The following KLHL2 variants were observed in gnomAD, a reference collection of about 807,000 sequenced individuals.
KLHL2 encodes the protein kelch-like protein 2.
In KLHL2, 15 loss-of-function variants were observed where a neutral mutation model predicts 75.8. The observed-to-expected ratio is 0.20, with a 90% CI of 0.13 to 0.30. The LOEUF (loss-of-function observed/expected upper bound fraction) is 0.30. Ranked by LOEUF, KLHL2 falls within the 10% of genes least tolerant of loss-of-function variation. The pLI is 1.00. For missense variants in KLHL2, 381 were observed against 741.0 expected (o/e 0.51, Z 5.64); for synonymous variants, 214 against 251.9 (o/e 0.85, Z 1.42).
intron 5 of KLHL2, among the ~76,000 whole-genome samples, chr4:165,292,291 AT>A (rs1443589904): frequency 2.0e-5 from 3 of 152,100 alleles, no homozygotes; most frequent in Non-Finnish European, 4.4e-5. Context: ...AAATACAAAC[AT>A]TTTAGAGCTG....
At chr4:165,311,606 A>C (rs768151910) in intron 11 of KLHL2, 41 bp downstream of exon 11, 1 of 1,417,256 alleles carries the variant, frequency 7.1e-7, no homozygotes, top group Non-Finnish European at 9.9e-7. Context: ...TGGCATTTTG[A>C]TCCTTGAGAG....
At chr4:165,257,048 C>A (rs891989026) in intron 4 of KLHL2, among the ~76,000 whole-genome samples, 16 of 152,094 alleles carry the variant, frequency 1.1e-4, no homozygotes, top group African/African-American at 3.6e-4. Context: ...CATTTAAGTT[C>A]TTCTCAATTT....
At chr4:165,303,878 CTGTT>C (rs1023293270) in intron 8 of KLHL2, among the ~76,000 whole-genome samples, 31 of 144,406 alleles carry the variant, frequency 2.1e-4, no homozygotes, top group Middle Eastern at 4.5e-3. Context: ...AAAATGTTGT[CTGTT>C]TGTTTGTTTG....
intron 5 of KLHL2, among the ~76,000 whole-genome samples, chr4:165,274,608 C>CA (rs1319249650): frequency 0.036 from 3,814 of 106,746 alleles, 102 homozygotes; most frequent in African/African-American, 0.082. Flanking sequence ...GACTACGTCT[C>CA]AAAAAAAAAA....
At chr4:165,277,472 C>T (rs1043389104) in intron 5 of KLHL2, among the ~76,000 whole-genome samples, 15 of 152,102 alleles carry the variant, frequency 9.9e-5, no homozygotes, top group African/African-American at 4.8e-5. Flanking sequence ...AAGGTGTTTC[C>T]GTCTTCTACT....
chr4:165,312,284 T>C (rs1175494177), intron 11 of KLHL2, among the ~76,000 whole-genome samples: 1 of 152,178 alleles, frequency 6.6e-6, no homozygotes, highest in Non-Finnish European at 1.5e-5. Context: ...AACAGTTGCT[T>C]GGGGGAACAA....
At chr4:165,296,696 G>C (rs372456777) in intron 6 of KLHL2, among the ~76,000 whole-genome samples, 15 of 152,140 alleles carry the variant, frequency 9.9e-5, no homozygotes, top group Admixed American at 3.9e-4. Context: ...ATAGAAGCAG[G>C]GGGGAGAGAA....
chr4:165,275,695 G>A (rs1332907458), intron 5 of KLHL2, among the ~76,000 whole-genome samples: 2 of 152,150 alleles, frequency 1.3e-5, no homozygotes, highest in Non-Finnish European at 2.9e-5. Flanking sequence ...TCCTGCCTTG[G>A]CTTCCCAGAG....
chr4:165,281,246 T>A (rs1294448411), intron 5 of KLHL2, among the ~76,000 whole-genome samples: 1 of 151,806 alleles, frequency 6.6e-6, no homozygotes, highest in Non-Finnish European at 1.5e-5. Flanking sequence ...TTGAGACTTA[T>A]ATTGTTGATT....
At chr4:165,239,774 A>G (rs925281110) in intron 4 of KLHL2, among the ~76,000 whole-genome samples, 2 of 152,196 alleles carry the variant, frequency 1.3e-5, no homozygotes, top group Non-Finnish European at 1.5e-5. Context: ...GTCCACATAC[A>G]TTGATTCACT....
chr4:165,293,839 G>A (rs1197740597), intron 5 of KLHL2, among the ~76,000 whole-genome samples: 1 of 151,992 alleles, frequency 6.6e-6, no homozygotes, highest in Non-Finnish European at 1.5e-5. Context: ...TTAAAAAAAT[G>A]TTGGTCATAT....
intron 2 of KLHL2, among the ~76,000 whole-genome samples, chr4:165,224,399 T>C (rs2111010313): frequency 6.6e-6 from 1 of 152,298 alleles, no homozygotes; most frequent in Admixed American, 6.5e-5. Flanking sequence ...GGATGAATCA[T>C]ATGAAGCAAT....
At chr4:165,266,376 T>C (rs1399802674) in intron 5 of KLHL2, among the ~76,000 whole-genome samples, 2 of 152,254 alleles carry the variant, frequency 1.3e-5, no homozygotes, top group East Asian at 1.9e-4. Flanking sequence ...TTTGGTGTTT[T>C]AGTCATGATG....
chr4:165,296,155 G>T (rs1294107948), intron 6 of KLHL2, among the ~76,000 whole-genome samples: 1 of 152,238 alleles, frequency 6.6e-6, no homozygotes, highest in Non-Finnish European at 1.5e-5. Context: ...ACCTGGCATG[G>T]TTCTACTGGA....
chr4:165,243,002 AAAT>A (rs1175832337), intron 4 of KLHL2, among the ~76,000 whole-genome samples: 6 of 152,228 alleles, frequency 3.9e-5, no homozygotes, highest in African/African-American at 1.4e-4. Flanking sequence ...TAAGAAGGTT[AAAT>A]AATTTGCTCA....
At chr4:165,218,314 CCT>C (rs982404865) in intron 1 of KLHL2, among the ~76,000 whole-genome samples, 8 of 152,116 alleles carry the variant, frequency 5.3e-5, no homozygotes, top group African/African-American at 1.9e-4. Context: ...TCTGCACTCC[CCT>C]CTCCTGCTCA....
intron 5 of KLHL2, among the ~76,000 whole-genome samples, chr4:165,293,489 TTCTG>T (rs1369861481): frequency 6.6e-6 from 1 of 151,938 alleles, no homozygotes; most frequent in Non-Finnish European, 1.5e-5. Context: ...CATAAACCAA[TTCTG>T]TCTCTCTTTT....
intron 4 of KLHL2, among the ~76,000 whole-genome samples, chr4:165,245,861 C>CT (rs925440949): frequency 1.3e-5 from 2 of 152,012 alleles, no homozygotes; most frequent in Non-Finnish European, 2.9e-5. Flanking sequence ...GAGCTTACCT[C>CT]TTTTTTTCAC....
At chr4:165,318,664 A>T (rs547410661) in intron 14 of KLHL2, among the ~76,000 whole-genome samples, 12 of 152,026 alleles carry the variant, frequency 7.9e-5, no homozygotes, top group Non-Finnish European at 1.8e-4. Flanking sequence ...TATTAGATGA[A>T]TTTTTAAAAC....
Sources: gnomAD v4.1 joint callset for allele counts (sites outside exome capture counted in the v4.1 genomes callset) on GRCh38, gnomAD v4.1.1 for gene constraint, MANE v1.5 for transcripts, NCBI Gene and HGNC (gene_info 2026-07-23, HGNC 2026-07-21) for gene names.